EBF4: variants seen among roughly 807,000 people sequenced by gnomAD.
EBF4 encodes the protein EBF transcription factor 4.
Under a neutral mutation model 67.1 loss-of-function variants are expected in EBF4, and 34 were observed. The observed-to-expected ratio is 0.51, with a 90% CI of 0.39 to 0.67. EBF4 has a LOEUF of 0.67. Ranked by LOEUF, EBF4 falls within the 30% of genes least tolerant of loss-of-function variation. The probability of loss-of-function intolerance (pLI) is 0.00; values close to 1 mark genes in which losing one functional copy is unlikely to be tolerated. For synonymous variants in EBF4, 387 were observed against 377.7 expected (o/e 1.02, Z -0.29); for missense variants, 837 against 873.3 (o/e 0.96, Z 0.52).
At position 2,755,539 on chromosome 20, in the gene EBF4, G is replaced by A; in HGVS notation, c.1541-88G>A. 1.4e-6 allele frequency: 1 copy of A among 720,178 alleles called. No individual in the cohort carries two copies. Among genetic ancestry groups the A allele is most frequent in the South Asian group, 1.7e-5 (1 of 60,064 alleles). 44.6% of individuals were successfully genotyped at this position (720,178 alleles called of 1,614,324 possible). On this transcript the variant is annotated intron_variant, in intron 14 of 16. Coordinates refer to ENST00000609451, the Ensembl canonical transcript of EBF4. The surrounding 1 kb of genome is among the most constrained non-coding windows in gnomAD (Gnocchi z 4.7). The stretch of plus-strand genomic sequence containing the variant: ...TGTCAGCAGCCCATGTGGGGCCCCA[G>A]CCAAGCTGCTCACTCTGGTGCTGTC...
exon 14 of EBF4, chr20:2,752,525 C>T: frequency 1.6e-6 from 2 of 1,251,712 alleles, no homozygotes; most frequent in Non-Finnish European, 2.0e-6. Flanking sequence ...AATGGCTCCA[C>T]CGCCACCTCG....
rs1443791896 is a variant in EBF4 at position 2,756,780 on chromosome 20, A to G, written c.1738+956A>G. On this transcript the variant is annotated intron_variant, in intron 15 of 16. Transcript: ENST00000609451. The surrounding 1 kb of genome is among the most constrained non-coding windows in gnomAD (Gnocchi z 4.5). ...GTCCTATTGAGTATTCCCCAAGACA[A>G]TAATGGGTCAGAGCAACAGAGCATT... Among the ~76,000 whole-genome samples the G allele has an allele frequency of 2.0e-5, 3 of 152,232 alleles. No individual in the cohort carries two copies. Among genetic ancestry groups the G allele is most frequent in the Admixed American group, 2.0e-4 (3 of 15,288 alleles).
chr20:2,757,548 G>A (rs2088263968), intron 15 of EBF4, among the ~76,000 whole-genome samples: 1 of 152,246 alleles, frequency 6.6e-6, no homozygotes, highest in Admixed American at 6.5e-5. Flanking sequence ...GTTTGAAGAA[G>A]GCAGGGGTTC....
At chr20:2,732,275 C>T (rs1197295162) in intron 6 of EBF4, among the ~76,000 whole-genome samples, 1 of 152,066 alleles carries the variant, frequency 6.6e-6, no homozygotes, top group East Asian at 1.9e-4. Flanking sequence ...TGCATGCCAC[C>T]ACACCCAGTT....
At chr20:2,715,462 G>A (rs1262350414) in intron 6 of EBF4, among the ~76,000 whole-genome samples, 1 of 152,178 alleles carries the variant, frequency 6.6e-6, no homozygotes, top group East Asian at 1.9e-4. Context: ...GTAAGTACAA[G>A]AGTTTGTTTA....
At chr20:2,729,247 G>T (rs911145890) in intron 6 of EBF4, among the ~76,000 whole-genome samples, 1 of 151,670 alleles carries the variant, frequency 6.6e-6, no homozygotes, top group African/African-American at 2.4e-5. Flanking sequence ...GCGCATTTTC[G>T]CAACAGTTCA....
intron 6 of EBF4, among the ~76,000 whole-genome samples, chr20:2,738,577 A>G (rs1003125607): frequency 1.3e-5 from 2 of 151,862 alleles, no homozygotes; most frequent in African/African-American, 4.8e-5. Context: ...GAGGCCTCCC[A>G]TTAGTGGCCA....
chr20:2,744,578 A>C, intron 6 of EBF4, among the ~76,000 whole-genome samples: 1 of 118,838 alleles, frequency 8.4e-6, no homozygotes. Context: ...TGCAACCTCC[A>C]CCTCCCCCGT....
chr20:2,731,949 T>G (rs1222765114), intron 6 of EBF4, among the ~76,000 whole-genome samples: 1 of 152,220 alleles, frequency 6.6e-6, no homozygotes, highest in Non-Finnish European at 1.5e-5. Flanking sequence ...AGTTTCTTTA[T>G]CAGTTGCATG....
chr20:2,696,917 C>T lies in EBF4; in HGVS notation c.137+3135C>T, dbSNP rs1359693239. Among the ~76,000 whole-genome samples, 6 of 152,194 alleles carry T rather than the reference C, an allele frequency of 3.9e-5. No individual in the cohort carries two copies. Among genetic ancestry groups the T allele is most frequent in the East Asian group, 3.9e-4 (2 of 5,192 alleles). Reference sequence around the variant, plus strand: ...GGGCCTTCCCCTAAGGCAAGGGTAGCGGTCCGTTCATCCTTGTGTCCACAG... The same window carrying T: ...GGGCCTTCCCCTAAGGCAAGGGTAGTGGTCCGTTCATCCTTGTGTCCACAG... On this transcript the variant is annotated intron_variant, in intron 1 of 16. Coordinates refer to ENST00000609451, the Ensembl canonical transcript of EBF4. The surrounding 1 kb of genome is among the most constrained non-coding windows in gnomAD (Gnocchi z 4.7).
chr20:2,705,630 G>A (rs2087442156), exon 2 of EBF4: 8 of 1,553,470 alleles, frequency 5.1e-6, no homozygotes, highest in Non-Finnish European at 7.0e-6. Context: ...TCCAACCTCA[G>A]GAAATCCAAC....
In EBF4 at chr20:2,754,978, C is replaced by CGCCCCG. The variant is rs1468303323; in HGVS notation, c.1541-649_1541-648insGCCCCG. The CGCCCCG allele has an allele frequency of 8.4e-5, 10 of 118,668 alleles. 1 individual carries two copies. In the East Asian group the frequency reaches 1.1e-3, roughly 13 times the overall value. 7.4% of individuals were successfully genotyped at this position (118,668 alleles called of 1,614,324 possible). Reference sequence around the variant, plus strand: ...GGGAGATTCAGGAGACCACCCCCCCCCACAGGGCCCAGGCTGGAGATGACA... The same window carrying CGCCCCG: ...GGGAGATTCAGGAGACCACCCCCCCCGCCCCGCACAGGGCCCAGGCTGGAGATGACA... On this transcript the variant is annotated intron_variant, in intron 14 of 16. Coordinates refer to ENST00000609451, the Ensembl canonical transcript of EBF4.
chr20:2,706,243 C>T (rs1345463553), exon 4 of EBF4: 1 of 1,552,080 alleles, frequency 6.4e-7, no homozygotes, highest in African/African-American at 1.4e-5. Context: ...ACGTGCGTCT[C>T]ATCGACTCCA....
intron 6 of EBF4, among the ~76,000 whole-genome samples, chr20:2,727,733 T>C (rs138108233): frequency 4.3e-4 from 66 of 152,334 alleles, no homozygotes; most frequent in African/African-American, 1.4e-3. Context: ...CCAACACTTA[T>C]CATCTTTTTT....
intron 1 of EBF4, among the ~76,000 whole-genome samples, chr20:2,702,289 A>T (rs1380968858): frequency 6.6e-6 from 1 of 152,174 alleles, no homozygotes; most frequent in Admixed American, 6.5e-5. Context: ...TTAGCTGGGC[A>T]TGGTGGCTCA....
intron 14 of EBF4, among the ~76,000 whole-genome samples, chr20:2,754,734 G>C (rs1317767830): frequency 1.3e-5 from 2 of 152,178 alleles, no homozygotes; most frequent in Non-Finnish European, 2.9e-5. Context: ...ATTGGGTTCA[G>C]ATGAGGATGT....
intron 6 of EBF4, among the ~76,000 whole-genome samples, chr20:2,719,316 C>G (rs562860247): frequency 1.8e-4 from 28 of 152,230 alleles, no homozygotes; most frequent in African/African-American, 4.6e-4. Flanking sequence ...GCTCTATTGC[C>G]CAAGCTGGAG....
intron 6 of EBF4, among the ~76,000 whole-genome samples, chr20:2,721,599 C>T (rs775467220): frequency 1.3e-5 from 2 of 152,140 alleles, no homozygotes; most frequent in Non-Finnish European, 2.9e-5. Context: ...GGTTTACAGG[C>T]AAGTGCCACC....
chr20:2,735,111 G>A (rs529108352), intron 6 of EBF4, among the ~76,000 whole-genome samples: 24 of 152,132 alleles, frequency 1.6e-4, no homozygotes, highest in African/African-American at 4.6e-4. Flanking sequence ...AGCAATTGCC[G>A]CTGGCTGTTT....
Sources: gnomAD v4.1 joint callset for allele counts (sites outside exome capture counted in the v4.1 genomes callset) on GRCh38, gnomAD v4.1.1 for gene constraint, Gnocchi (gnomAD v3.1) non-coding constraint, MANE v1.5 for transcripts, NCBI Gene and HGNC (gene_info 2026-07-23, HGNC 2026-07-21) for gene names.